The following CRMP1 variants were observed in gnomAD, a reference collection of about 807,000 sequenced individuals.
The protein encoded by CRMP1 is dihydropyrimidinase-related protein 1.
A neutral mutation model predicts 68.3 loss-of-function variants in CRMP1; 19 were observed. That is an observed-to-expected ratio of 0.28 (90% CI 0.19 to 0.41). The LOEUF (loss-of-function observed/expected upper bound fraction) is 0.41. Among genes scored for constraint, CRMP1 ranks in the 10% least tolerant of loss-of-function variants. The probability of loss-of-function intolerance (pLI) is 1.00; values close to 1 mark genes in which losing one functional copy is unlikely to be tolerated. For missense variants in CRMP1, 791 were observed against 967.4 expected (o/e 0.82, Z 2.42); for synonymous variants, 439 against 399.6 (o/e 1.10, Z -1.18).
Position 5,861,565 on chromosome 4 carries a change from A to C in CRMP1, c.471-355T>G, listed in dbSNP as rs564283126. On this transcript the variant is annotated intron_variant, in intron 2 of 13. Coordinates refer to ENST00000324989, the MANE Select transcript of CRMP1 (RefSeq NM_001014809.3). The surrounding 1 kb of genome is among the most constrained non-coding windows in gnomAD (Gnocchi z 6.0). ...GATGCATGTGCTGACCGTCATGTCT[A>C]TTCTGATGTAACAGGTGCCTGAAAA... is the stretch of plus-strand genomic sequence containing the variant. Among the ~76,000 whole-genome samples, 127 of 152,322 alleles carry C rather than the reference A, an allele frequency of 8.3e-4. 1 individual carries two copies. Among genetic ancestry groups the C allele is most frequent in the Middle Eastern group, 3.4e-3 (1 of 294 alleles).
At chr4:5,867,299 T>C (rs1031437535) in intron 1 of CRMP1, among the ~76,000 whole-genome samples, 15 of 152,324 alleles carry the variant, frequency 9.8e-5, no homozygotes, top group African/African-American at 3.4e-4. Flanking sequence ...ACAGCACACC[T>C]GCCTCATCAT....
intron 4 of CRMP1, 128 bp from the exon 5 acceptor site, chr4:5,851,597 G>T: frequency 1.1e-6 from 1 of 881,006 alleles, no homozygotes; most frequent in Non-Finnish European, 1.8e-6. Flanking sequence ...GGGATCCCCA[G>T]TGGGGCACCT....
At position 5,843,888 on chromosome 4, in the gene CRMP1, C is replaced by T. The variant is rs1415463604; in HGVS notation, c.964-727G>A. Among the ~76,000 whole-genome samples, 1 of 152,112 alleles carries T rather than the reference C, an allele frequency of 6.6e-6. No homozygotes were observed. The highest frequency in any genetic ancestry group is 2.4e-5 in the African/African-American group (1 of 41,396). On this transcript the variant is annotated intron_variant, in intron 6 of 13. Coordinates refer to ENST00000324989, the MANE Select transcript of CRMP1 (RefSeq NM_001014809.3). This position sits in a 1 kb window ranked among gnomAD's most constrained non-coding sequence, Gnocchi z 4.1. Reference sequence around the variant, plus strand: ...TTATCATATAACCTTGAAATGGTTCCCTGGGCTGATGGCCTAGATTCAAAT... The same window carrying T: ...TTATCATATAACCTTGAAATGGTTCTCTGGGCTGATGGCCTAGATTCAAAT...
chr4:5,845,950 G>A (rs549842525), intron 6 of CRMP1, among the ~76,000 whole-genome samples: 34 of 152,272 alleles, frequency 2.2e-4, no homozygotes, highest in African/African-American at 7.5e-4. Flanking sequence ...TCAGAAAGAT[G>A]AGGGGTGGTG....
intron 10 of CRMP1, 58 bp from the exon 11 acceptor site, chr4:5,836,143 C>G (rs966519762): frequency 7.4e-7 from 1 of 1,358,620 alleles, no homozygotes. Context: ...GGAGGAGGGG[C>G]AGCTGGGCAC....
In CRMP1 at chr4:5,872,292, TA is replaced by T. The variant is rs200526493; in HGVS notation, c.382-5537del. ...TAATAACACCAAATTCACATATTTA[TA>T]AAAAAAAATAATACCGGTGCCGTCT... On this transcript the variant is annotated intron_variant, in intron 1 of 13. Coordinates refer to ENST00000324989, the MANE Select transcript of CRMP1 (RefSeq NM_001014809.3). This position sits in a 1 kb window ranked among gnomAD's most constrained non-coding sequence, Gnocchi z 4.6. Among the ~76,000 whole-genome samples, 10 of 151,646 alleles carry T rather than the reference TA, an allele frequency of 6.6e-5. No individual in the cohort carries two copies. The highest frequency in any genetic ancestry group is 3.9e-4 in the East Asian group (2 of 5,174).
Position 5,843,300 on chromosome 4 carries a change from G to T in CRMP1, c.964-139C>A. On this transcript the variant is annotated intron_variant, in intron 6 of 13. Coordinates refer to ENST00000324989, the MANE Select transcript of CRMP1 (RefSeq NM_001014809.3). The surrounding 1 kb of genome is among the most constrained non-coding windows in gnomAD (Gnocchi z 4.1). ...GGCTTGCACTAGGTTAACAGTGTGC[G>T]GGGTGGGGGCAGTGAACTGTGTCCC... 1.3e-6 allele frequency: 1 copy of T among 748,602 alleles called. No individual in the cohort carries two copies. The highest frequency in any genetic ancestry group is 2.3e-6 in the Non-Finnish European group (1 of 436,018). The allele number at this position is 748,602 out of a possible 1,614,324, so 46.4% of individuals were successfully genotyped here.
intron 6 of CRMP1, among the ~76,000 whole-genome samples, chr4:5,846,485 C>T (rs1429148507): frequency 1.3e-5 from 2 of 152,018 alleles, no homozygotes; most frequent in African/African-American, 4.8e-5. Context: ...TGAACCCCAG[C>T]GAGATTCACA....
chr4:5,863,580 G>A (rs981305831), intron 2 of CRMP1, among the ~76,000 whole-genome samples: 1 of 152,146 alleles, frequency 6.6e-6, no homozygotes, highest in African/African-American at 2.4e-5. Flanking sequence ...GGAGGAGAGA[G>A]GAAGCTCAGC....
Position 5,850,389 on chromosome 4 carries a change from G to A in CRMP1, c.883-917C>T, listed in dbSNP as rs139692512. ...CACATGCTATGTTTTCTATGTAACTGAACCAATTTTCAGCTCTTTGAGTGT... is the reference window on the plus strand; with the variant it reads ...CACATGCTATGTTTTCTATGTAACTAAACCAATTTTCAGCTCTTTGAGTGT... On this transcript the variant is annotated intron_variant, in intron 5 of 13. Coordinates refer to ENST00000324989, the MANE Select transcript of CRMP1 (RefSeq NM_001014809.3). This position sits in a 1 kb window ranked among gnomAD's most constrained non-coding sequence, Gnocchi z 4.4. Among the ~76,000 whole-genome samples the A allele has an allele frequency of 2.6e-5, 4 of 152,282 alleles. No individual in the cohort carries two copies. Among genetic ancestry groups the A allele is most frequent in the African/African-American group, 9.6e-5 (4 of 41,566 alleles).
chr4:5,888,153 G>T lies in CRMP1; in HGVS notation c.381+4436C>A. 2.4e-6 allele frequency: 3 copies of T among 1,230,164 alleles called. No individual in the cohort carries two copies. The highest frequency in any genetic ancestry group is 3.0e-6 in the Non-Finnish European group (3 of 985,074). The allele number at this position is 1,230,164 out of a possible 1,614,324, so 76.2% of individuals were successfully genotyped here. A position where few individuals can be genotyped will look rare whatever the true frequency, so the allele number is the denominator to read the frequency against. Reference sequence around the variant, plus strand: ...GGGGCGCCCCTGCCGGCGCCCCGTGGATCTGGACCCTGCCGGGCGCCCACT... The same window carrying T: ...GGGGCGCCCCTGCCGGCGCCCCGTGTATCTGGACCCTGCCGGGCGCCCACT... On this transcript the variant is annotated intron_variant, in intron 1 of 13. Coordinates refer to ENST00000324989, the MANE Select transcript of CRMP1 (RefSeq NM_001014809.3). The surrounding 1 kb of genome is among the most constrained non-coding windows in gnomAD (Gnocchi z 6.4).
chr4:5,829,130 G>A (rs1346633246), intron 11 of CRMP1, among the ~76,000 whole-genome samples: 2 of 152,202 alleles, frequency 1.3e-5, no homozygotes, highest in Admixed American at 6.5e-5. Context: ...CAAGGGTTCA[G>A]ATCAATTGAC....
At chr4:5,845,205 T>A (rs1340159007) in intron 6 of CRMP1, among the ~76,000 whole-genome samples, 1 of 152,212 alleles carries the variant, frequency 6.6e-6, no homozygotes, top group Non-Finnish European at 1.5e-5. Flanking sequence ...CTCCTGCTTT[T>A]CAAGGCCCTG....
rs1718648510 is a variant in CRMP1 at position 5,821,924 on chromosome 4, T to G, written c.1970-73A>C. On this transcript the variant is annotated intron_variant, in intron 13 of 13. Coordinates refer to ENST00000324989, the MANE Select transcript of CRMP1 (RefSeq NM_001014809.3). The surrounding 1 kb of genome is among the most constrained non-coding windows in gnomAD (Gnocchi z 4.4). ...TTCCACGCTGCTCCTGGAGGCCATG[T>G]ACTCTGCCATGCACTCCACTGGACC... 2.5e-6 allele frequency: 3 copies of G among 1,187,230 alleles called. No individual in the cohort carries two copies. The South Asian group carries it at 4.3e-5, about 17-fold the overall frequency. The allele number at this position is 1,187,230 out of a possible 1,614,324, so 73.5% of individuals were successfully genotyped here. A position where few individuals can be genotyped will look rare whatever the true frequency, so the allele number is the denominator to read the frequency against.
intron 4 of CRMP1, among the ~76,000 whole-genome samples, chr4:5,852,981 G>A (rs957186235): frequency 6.6e-5 from 10 of 152,134 alleles, no homozygotes; most frequent in Admixed American, 5.9e-4. Flanking sequence ...CGGAGGTGCA[G>A]GGGGCTGGGG....
Position 5,891,105 on chromosome 4 carries a change from G to A in CRMP1, c.381+1484C>T, listed in dbSNP as rs1210873067. ...GTAGTGGACAGGGGGAGATACAGAAGGGGTGGGGGAAGAGGAAGCTGGACT... is the reference window on the plus strand; with the variant it reads ...GTAGTGGACAGGGGGAGATACAGAAAGGGTGGGGGAAGAGGAAGCTGGACT... On this transcript the variant is annotated intron_variant, in intron 1 of 13. Transcript: ENST00000324989. The surrounding 1 kb of genome is among the most constrained non-coding windows in gnomAD (Gnocchi z 5.2). Among the ~76,000 whole-genome samples, 2 of 151,740 alleles carry A rather than the reference G, an allele frequency of 1.3e-5. No homozygotes were observed. Among genetic ancestry groups the A allele is most frequent in the Non-Finnish European group, 2.9e-5 (2 of 67,952 alleles).
At position 5,838,889 on chromosome 4, in the gene CRMP1, G is replaced by A. The variant is rs1720902114; in HGVS notation, c.1310+633C>T. Among the ~76,000 whole-genome samples, 3 of 152,168 alleles carry A rather than the reference G, an allele frequency of 2.0e-5. No homozygotes were observed. Among genetic ancestry groups the A allele is most frequent in the Admixed American group, 1.3e-4 (2 of 15,284 alleles). On this transcript the variant is annotated intron_variant, in intron 9 of 13. Transcript: ENST00000324989. The surrounding 1 kb of genome is among the most constrained non-coding windows in gnomAD (Gnocchi z 4.9). ...CCAGAAAGCCTTCTGCAAGCCTCCC[G>A]GTGGGTTCTGAGCATGCGTCTCTGC...
intron 4 of CRMP1, among the ~76,000 whole-genome samples, chr4:5,852,372 T>A (rs1463926996): frequency 6.6e-6 from 1 of 152,182 alleles, no homozygotes; most frequent in Non-Finnish European, 1.5e-5. Flanking sequence ...GACTGCACAG[T>A]ACACTCATGA....
At position 5,834,390 on chromosome 4, in the gene CRMP1, G is replaced by T. The variant is rs549701700; in HGVS notation, c.1623+1525C>A. On this transcript the variant is annotated intron_variant, in intron 11 of 13. Transcript: ENST00000324989. This position sits in a 1 kb window ranked among gnomAD's most constrained non-coding sequence, Gnocchi z 4.3. The stretch of plus-strand genomic sequence containing the variant: ...AGTTAGTTATTGTGAGACTGGGCTT[G>T]TTATAAAAGCAAATTCAGCGTCCTC... Among the ~76,000 whole-genome samples the T allele has an allele frequency of 6.6e-6, 1 of 152,212 alleles. No individual in the cohort carries two copies. Among genetic ancestry groups the T allele is most frequent in the Non-Finnish European group, 1.5e-5 (1 of 68,038 alleles).
Sources: gnomAD v4.1 joint callset for allele counts (sites outside exome capture counted in the v4.1 genomes callset) on GRCh38, gnomAD v4.1.1 for gene constraint, Gnocchi (gnomAD v3.1) non-coding constraint, MANE v1.5 for transcripts, NCBI Gene and HGNC (gene_info 2026-07-23, HGNC 2026-07-21) for gene names.